Variants in THSD4 observed in about 807,000 individuals in gnomAD.
THSD4 encodes the protein thrombospondin type 1 domain containing 4.
Under a neutral mutation model 119.0 loss-of-function variants are expected in THSD4, and 69 were observed. The observed-to-expected ratio is 0.58, with a 90% CI of 0.48 to 0.71. THSD4 has a LOEUF of 0.71. Among genes scored for constraint, THSD4 ranks in the 30% least tolerant of loss-of-function variants. THSD4 has a pLI of 0.00. For synonymous variants in THSD4, 524 were observed against 540.4 expected (o/e 0.97, Z 0.42); for missense variants, 1,393 against 1,391.1 (o/e 1.00, Z -0.02).
intron 7 of THSD4, among the ~76,000 whole-genome samples, chr15:71,516,845 C>T (rs1460897628): frequency 6.6e-6 from 1 of 152,110 alleles, no homozygotes; most frequent in African/African-American, 2.4e-5. Flanking sequence ...CTCACTTCTC[C>T]CTTTGATATA....
chr15:71,389,099 A>AT (rs2046335187), intron 6 of THSD4, among the ~76,000 whole-genome samples: 5 of 152,174 alleles, frequency 3.3e-5, no homozygotes, highest in Non-Finnish European at 7.3e-5. Flanking sequence ...TGAGTCCATT[A>AT]AACCTCTTTG....
rs114993283 is a variant in THSD4, at chr15:71,362,497, G to C, written c.1016-49190G>C. ...TCCATGGATTGCCTTTAATTTTATA[G>C]TCAGTTGAGAGAGAAAAGCCTAGCC... is the stretch of plus-strand genomic sequence containing the variant. On this transcript the variant is annotated intron_variant, in intron 6 of 17. Coordinates refer to ENST00000261862, the MANE Select transcript of THSD4 (RefSeq NM_024817.3). Among the ~76,000 whole-genome samples, 1,419 of 152,136 alleles carry C rather than the reference G, an allele frequency of 9.3e-3. 30 individuals carry two copies. Among genetic ancestry groups the C allele is most frequent in the African/African-American group, 0.032 (1,342 of 41,502 alleles).
chr15:71,600,139 CT>C (rs1470547698), intron 7 of THSD4, among the ~76,000 whole-genome samples: 1 of 152,200 alleles, frequency 6.6e-6, no homozygotes, highest in African/African-American at 2.4e-5. Context: ...GGAAATGCTA[CT>C]AATTAGCTAC....
intron 3 of THSD4, among the ~76,000 whole-genome samples, chr15:71,169,139 A>G (rs780859419): frequency 4.6e-5 from 7 of 152,266 alleles, no homozygotes; most frequent in Non-Finnish European, 1.0e-4. Flanking sequence ...AATGGCTTAA[A>G]CAGACAGTTC....
rs776511853 is a variant in THSD4, at chr15:71,745,061, T to G, written c.1907-45T>G. On this transcript the variant is annotated intron_variant, in intron 11 of 17. Coordinates refer to ENST00000261862, the MANE Select transcript of THSD4 (RefSeq NM_024817.3). ...TGCATCTCCACCCATAGCCCAGCTT[T>G]CCAGTGTGTGGGACTGTCCTTCAGA... The G allele has an allele frequency of 7.0e-6, 11 of 1,576,470 alleles. No homozygotes were observed. In the Admixed American group the frequency reaches 1.4e-4, roughly 20 times the overall value.
chr15:71,237,023 G>A (rs1361793662), intron 4 of THSD4, among the ~76,000 whole-genome samples: 3 of 152,214 alleles, frequency 2.0e-5, no homozygotes, highest in Non-Finnish European at 4.4e-5. Context: ...TCAAAACATG[G>A]AGAATAAAGT....
intron 7 of THSD4, among the ~76,000 whole-genome samples, chr15:71,492,700 C>T (rs530420353): frequency 9.1e-4 from 139 of 152,236 alleles, no homozygotes; most frequent in African/African-American, 3.0e-3. Flanking sequence ...TAAAGGAAGC[C>T]TCTTTCCCTT....
upstream of THSD4, chr15:71,111,501 A>G: frequency 9.5e-7 from 1 of 1,052,622 alleles, no homozygotes. Context: ...TTTTAGAAAC[A>G]GCTCAAAATA....
intron 3 of THSD4, among the ~76,000 whole-genome samples, chr15:71,160,290 A>T (rs1298286218): frequency 6.6e-6 from 1 of 151,772 alleles, no homozygotes; most frequent in African/African-American, 2.4e-5. Flanking sequence ...TTTTTGTTGT[A>T]TCCTTGTCTG....
At chr15:71,590,962 C>A (rs370631701) in intron 7 of THSD4, among the ~76,000 whole-genome samples, 1 of 135,108 alleles carries the variant, frequency 7.4e-6, no homozygotes, top group African/African-American at 2.9e-5. Flanking sequence ...GCCAAGATCA[C>A]GCCACTGCAT....
intron 7 of THSD4, among the ~76,000 whole-genome samples, chr15:71,652,951 C>G (rs2051120891): frequency 6.6e-6 from 1 of 152,048 alleles, no homozygotes; most frequent in South Asian, 2.1e-4. Context: ...AGCAAATTTC[C>G]CTCCCTTTAA....
At chr15:71,592,511 C>T (rs1267731813) in intron 7 of THSD4, among the ~76,000 whole-genome samples, 1 of 152,108 alleles carries the variant, frequency 6.6e-6, no homozygotes, top group Admixed American at 6.5e-5. Context: ...CCATGCCCTC[C>T]TGGGTAGTTG....
At chr15:71,653,981 C>T (rs1392281207) in intron 7 of THSD4, among the ~76,000 whole-genome samples, 1 of 152,100 alleles carries the variant, frequency 6.6e-6, no homozygotes, top group Admixed American at 6.5e-5. Flanking sequence ...GTCTGACTTT[C>T]AATTTAGACC....
intron 3 of THSD4, among the ~76,000 whole-genome samples, chr15:71,210,588 TAGATTG>T (rs1207760461): frequency 6.6e-6 from 1 of 152,212 alleles, no homozygotes; most frequent in Non-Finnish European, 1.5e-5. Flanking sequence ...CTACTCATAT[TAGATTG>T]AATCATATGA....
chr15:71,361,829 G>A (rs886140632), intron 6 of THSD4, among the ~76,000 whole-genome samples: 5 of 152,172 alleles, frequency 3.3e-5, no homozygotes, highest in Non-Finnish European at 2.9e-5. Flanking sequence ...ATGAGACTTT[G>A]TGTATGTGCT....
At chr15:71,347,156 G>A (rs2045674795) in intron 6 of THSD4, among the ~76,000 whole-genome samples, 1 of 152,102 alleles carries the variant, frequency 6.6e-6, no homozygotes, top group Admixed American at 6.5e-5. Context: ...TTACAGGTGT[G>A]AGCCACCGTG....
chr15:71,413,740 G>A (rs186154638), intron 7 of THSD4, among the ~76,000 whole-genome samples: 25 of 152,294 alleles, frequency 1.6e-4, no homozygotes, highest in African/African-American at 5.1e-4. Flanking sequence ...ATTAGGATGC[G>A]GTACAGAAGA....
At chr15:71,352,302 C>T (rs1416769343) in intron 6 of THSD4, among the ~76,000 whole-genome samples, 2 of 152,332 alleles carry the variant, frequency 1.3e-5, no homozygotes, top group East Asian at 3.9e-4. Flanking sequence ...GATGGATCCA[C>T]AAAGCAAACT....
At chr15:71,466,338 C>A (rs1279295853) in intron 7 of THSD4, among the ~76,000 whole-genome samples, 2 of 143,162 alleles carry the variant, frequency 1.4e-5, no homozygotes, top group African/African-American at 5.1e-5. Flanking sequence ...GAACAAGACT[C>A]CATCTCAAAA....
Sources: gnomAD v4.1 joint callset for allele counts (sites outside exome capture counted in the v4.1 genomes callset) on GRCh38, gnomAD v4.1.1 for gene constraint, MANE v1.5 for transcripts, NCBI Gene and HGNC (gene_info 2026-07-23, HGNC 2026-07-21) for gene names.